Variants in HDAC4 observed in about 807,000 individuals in gnomAD.
HDAC4 encodes the protein histone deacetylase 4.
Under a neutral mutation model 135.1 loss-of-function variants are expected in HDAC4, and 16 were observed. The observed-to-expected ratio is 0.12, with a 90% CI of 0.08 to 0.18. HDAC4 has a LOEUF of 0.18. Among genes scored for constraint, HDAC4 ranks in the 10% least tolerant of loss-of-function variants. HDAC4 has a pLI of 1.00. For missense variants in HDAC4, 1,143 were observed against 1,511.8 expected (o/e 0.76, Z 4.05); for synonymous variants, 685 against 653.4 (o/e 1.05, Z -0.74).
At chr2:239,072,364 G>A (rs1018802310) in intron 22 of HDAC4, among the ~76,000 whole-genome samples, 1 of 152,166 alleles carries the variant, frequency 6.6e-6, no homozygotes. Flanking sequence ...TAGTTTGCAC[G>A]ATTCCCACTT....
In HDAC4 at chr2:239,137,738, T is replaced by A. The variant is rs138183153; in HGVS notation, c.978+1946A>T. ...CCCTGGCCATGAAGCACAGGTGTTCTCACAGACCCGTCCAACTCTAGAGAT... is the reference window on the plus strand; with the variant it reads ...CCCTGGCCATGAAGCACAGGTGTTCACACAGACCCGTCCAACTCTAGAGAT... On this transcript the variant is annotated intron_variant, in intron 9 of 26. Transcript: ENST00000543185. Among the ~76,000 whole-genome samples, 235 of 152,268 alleles carry A rather than the reference T, an allele frequency of 1.5e-3. 1 individual carries two copies. The highest frequency in any genetic ancestry group is 5.5e-3 in the African/African-American group (227 of 41,548).
chr2:239,137,041 T>C (rs999070705), intron 9 of HDAC4, among the ~76,000 whole-genome samples: 2 of 152,254 alleles, frequency 1.3e-5, no homozygotes, highest in East Asian at 1.9e-4. Flanking sequence ...GCTTGTGTTA[T>C]CATTTGGGAA....
At chr2:239,237,502 C>T (rs1026749542) in intron 2 of HDAC4, among the ~76,000 whole-genome samples, 1 of 151,706 alleles carries the variant, frequency 6.6e-6, no homozygotes, top group Non-Finnish European at 1.5e-5. Context: ...GCACCAGTTT[C>T]GCAGGGCAGC....
At chr2:239,058,820 C>T (rs1465531828) in intron 24 of HDAC4, among the ~76,000 whole-genome samples, 1 of 152,204 alleles carries the variant, frequency 6.6e-6, no homozygotes, top group African/African-American at 2.4e-5. Flanking sequence ...AGACAATCGT[C>T]GGTCAGGAAA....
intron 3 of HDAC4, among the ~76,000 whole-genome samples, chr2:239,209,983 C>T (rs947786327): frequency 6.6e-6 from 1 of 152,110 alleles, no homozygotes; most frequent in Non-Finnish European, 1.5e-5. Flanking sequence ...AGGCAGGGAG[C>T]GGGGGCGTGG....
intron 24 of HDAC4, among the ~76,000 whole-genome samples, chr2:239,059,154 T>C (rs1474628437): frequency 6.6e-6 from 1 of 152,066 alleles, no homozygotes; most frequent in Non-Finnish European, 1.5e-5. Context: ...TAAAAAGTAA[T>C]GAAAAGTGCT....
At chr2:239,295,090 G>T (rs1484476561) in intron 2 of HDAC4, among the ~76,000 whole-genome samples, 1 of 151,864 alleles carries the variant, frequency 6.6e-6, no homozygotes, top group Non-Finnish European at 1.5e-5. Context: ...GGCGGATCAC[G>T]AGGTCAGGAG....
chr2:239,378,901 T>C (rs895956039), intron 1 of HDAC4, among the ~76,000 whole-genome samples: 7 of 152,164 alleles, frequency 4.6e-5, no homozygotes, highest in Admixed American at 3.3e-4. Context: ...CCTCGAAGAC[T>C]GCCAAGCTCT....
intron 16 of HDAC4, among the ~76,000 whole-genome samples, chr2:239,101,048 G>A (rs961034921): frequency 2.0e-5 from 3 of 152,170 alleles, no homozygotes; most frequent in African/African-American, 7.2e-5. Flanking sequence ...AGCCTGAGCT[G>A]TCGGAGTCTG....
intron 1 of HDAC4, among the ~76,000 whole-genome samples, chr2:239,374,521 A>G (rs62180879): frequency 0.23 from 33,324 of 143,600 alleles, 4,754 homozygotes; most frequent in Non-Finnish European, 0.33. Context: ...CTCCTGCCTC[A>G]GCCTCCCAAG....
intron 11 of HDAC4, among the ~76,000 whole-genome samples, chr2:239,128,663 C>T (rs1052687605): frequency 7.2e-5 from 11 of 152,180 alleles, no homozygotes; most frequent in Non-Finnish European, 1.5e-4. Context: ...GCAAAGGCTA[C>T]GTAGTTGCTG....
intron 12 of HDAC4, among the ~76,000 whole-genome samples, chr2:239,124,859 T>TGTTATGTGACATTCC (rs2040049698): frequency 3.3e-5 from 1 of 29,860 alleles, no homozygotes; most frequent in Non-Finnish European, 7.4e-5. Flanking sequence ...TATGACATTC[T>TGTTATGTGACATTCC]GGTGTGCTGG....
At chr2:239,357,330 A>G (rs1437269659) in intron 1 of HDAC4, among the ~76,000 whole-genome samples, 2 of 152,186 alleles carry the variant, frequency 1.3e-5, no homozygotes, top group African/African-American at 4.8e-5. Flanking sequence ...CAACATAAAA[A>G]TCTGCAGTGC....
chr2:239,247,927 A>G (rs1421128839), intron 2 of HDAC4, among the ~76,000 whole-genome samples: 1 of 152,170 alleles, frequency 6.6e-6, no homozygotes, highest in East Asian at 1.9e-4. Context: ...CTCTGTGCAG[A>G]AAAAGGATCC....
intron 8 of HDAC4, among the ~76,000 whole-genome samples, chr2:239,140,536 G>C (rs1232156882): frequency 6.6e-6 from 1 of 152,186 alleles, no homozygotes; most frequent in Non-Finnish European, 1.5e-5. Context: ...GGATTTGTTT[G>C]GCTTGTCATA....
chr2:239,097,026 A>C (rs946050875), intron 16 of HDAC4, among the ~76,000 whole-genome samples: 34 of 152,128 alleles, frequency 2.2e-4, no homozygotes, highest in Admixed American at 2.0e-3. Context: ...AGGCAAAGGG[A>C]GGATAGGCCC....
At chr2:239,072,742 C>G (rs1043541303) in intron 22 of HDAC4, among the ~76,000 whole-genome samples, 5 of 152,256 alleles carry the variant, frequency 3.3e-5, no homozygotes, top group African/African-American at 1.2e-4. Context: ...ACTGATGTCA[C>G]TGAAAGTATC....
At chr2:239,088,040 G>A (rs1036359655) in intron 18 of HDAC4, among the ~76,000 whole-genome samples, 4 of 152,214 alleles carry the variant, frequency 2.6e-5, no homozygotes, top group South Asian at 2.1e-4. Flanking sequence ...ACTTGGCCGC[G>A]GGGCAGAGAC....
intron 2 of HDAC4, among the ~76,000 whole-genome samples, chr2:239,272,005 A>G (rs914291898): frequency 1.3e-5 from 2 of 152,356 alleles, no homozygotes; most frequent in East Asian, 3.8e-4. Context: ...AGTTTCAAAA[A>G]AAATCAACAA....
Sources: allele counts gnomAD v4.1 joint callset (sites outside exome capture counted in the v4.1 genomes callset), GRCh38; gene constraint gnomAD v4.1.1; transcripts MANE v1.5; gene names NCBI Gene and HGNC (gene_info 2026-07-23, HGNC 2026-07-21).